Variants in LTBP1 observed in about 807,000 individuals in gnomAD.
LTBP1 encodes latent transforming growth factor beta binding protein 1, also known as latent-transforming growth factor beta-binding protein 1.
In LTBP1, 129 loss-of-function variants were observed where a neutral mutation model predicts 207.6. The observed-to-expected ratio is 0.62, with a 90% confidence interval of 0.54 to 0.72. The LOEUF (loss-of-function observed/expected upper bound fraction) is 0.72. LTBP1 is among the 30% of genes least tolerant of loss of function. The pLI is 0.00. For missense variants in LTBP1, 2,281 were observed against 2,217.2 expected (o/e 1.03, Z -0.58); for synonymous variants, 963 against 833.7 (o/e 1.16, Z -2.67).
intron 24 of LTBP1, chr2:33,333,129 A>T (rs991071438): frequency 6.6e-6 from 1 of 152,196 alleles, no homozygotes; most frequent in Non-Finnish European, 1.5e-5. Flanking sequence ...ACTATATTTC[A>T]TCTTTCTAAA....
intron 9 of LTBP1, among the ~76,000 whole-genome samples, chr2:33,242,195 C>A (rs550665281): frequency 1.3e-4 from 20 of 152,170 alleles, no homozygotes; most frequent in East Asian, 1.9e-4. Flanking sequence ...TTAATATTTG[C>A]TTAAATAGTG....
In LTBP1 at chr2:33,188,793, A is replaced by G. The variant is rs1410838953; in HGVS notation, c.1643A>G (p.Tyr548Cys). The change falls in exon 7 of 34, where the codon TAC becomes TGC. Residue 548 changes from tyrosine (Y) to cysteine (C), a missense_variant. Tyr to Cys is a radical substitution (Grantham distance 194). Transcript: ENST00000404816. ...CACCAGCAGGTCATTCCTCACGTCT[A>G]CCCCGTGGCTGCTAAGACACAGCTT... is the stretch of plus-strand genomic sequence containing the variant. Reference protein sequence around the residue: ...YSHQQVIPHVYPVAAKTQLGR... With the variant: ...YSHQQVIPHVCPVAAKTQLGR... 3 of 1,614,106 alleles carry G rather than the reference A, an allele frequency of 1.9e-6. No homozygotes were observed. Among genetic ancestry groups the G allele is most frequent in the Non-Finnish European group, 1.7e-6 (2 of 1,180,012 alleles).
At chr2:33,388,420 A>G (rs1422338748) in intron 31 of LTBP1, among the ~76,000 whole-genome samples, 1 of 152,242 alleles carries the variant, frequency 6.6e-6, no homozygotes, top group Non-Finnish European at 1.5e-5. Flanking sequence ...ACTTCAAATC[A>G]GGTTCTGCCA....
intron 2 of LTBP1, among the ~76,000 whole-genome samples, chr2:32,987,110 G>C (rs1429990027): frequency 6.6e-6 from 1 of 152,214 alleles, no homozygotes; most frequent in Non-Finnish European, 1.5e-5. Context: ...CAGAAAGTTA[G>C]ATCAGCATCA....
rs150016521 is a variant in LTBP1, at chr2:33,300,294, A to G, written c.3236-157A>G. On this transcript the variant is annotated intron_variant, in intron 20 of 33. Transcript: ENST00000404816. ...TAGATCAGTATACTGAGGTTGATAC[A>G]ACAGCATGGGTGGAGTGATAAATAC... Among the ~76,000 whole-genome samples the G allele has an allele frequency of 3.8e-4, 58 of 152,332 alleles. No homozygotes were observed. The East Asian group carries it at 9.1e-3, about 24-fold the overall frequency.
chr2:33,150,704 CTTTTTCTTTTTTTTTTTTTTTT>C (rs1572869313), intron 5 of LTBP1, among the ~76,000 whole-genome samples: 1 of 108,842 alleles, frequency 9.2e-6, no homozygotes, highest in African/African-American at 3.5e-5. Context: ...TTTCTTTTTT[CTTTTTCTTTTTTTTTTTTTTTT>C]TTTTTTTTTT....
chr2:33,264,827 A>G (rs768920889), intron 15 of LTBP1, among the ~76,000 whole-genome samples: 6 of 152,188 alleles, frequency 3.9e-5, no homozygotes, highest in Non-Finnish European at 7.3e-5. Context: ...ATATGTAGAA[A>G]GAGCTTTATT....
At chr2:32,957,895 T>C (rs1320776631) in intron 2 of LTBP1, among the ~76,000 whole-genome samples, 1 of 152,210 alleles carries the variant, frequency 6.6e-6, no homozygotes, top group Non-Finnish European at 1.5e-5. Context: ...ACACAGTCCA[T>C]TGGATACTGC....
chr2:33,367,140 CAG>C (rs1218385616), intron 31 of LTBP1, among the ~76,000 whole-genome samples: 1 of 152,034 alleles, frequency 6.6e-6, no homozygotes, highest in East Asian at 1.9e-4. Context: ...TTATATCCAA[CAG>C]AGTATTTATA....
chr2:33,137,908 A>G (rs1409426608), intron 5 of LTBP1, among the ~76,000 whole-genome samples: 1 of 152,134 alleles, frequency 6.6e-6, no homozygotes, highest in Non-Finnish European at 1.5e-5. Flanking sequence ...TATAAGAGGG[A>G]CAAGGTGAAG....
Position 32,947,830 on chromosome 2 carries a change from C to G in LTBP1, c.494+12C>G. The G allele has an allele frequency of 7.7e-7, 1 of 1,301,186 alleles. No homozygotes were observed. The highest frequency in any genetic ancestry group is 2.6e-5 in the South Asian group (1 of 38,102). 80.6% of individuals were successfully genotyped at this position (1,301,186 alleles called of 1,614,324 possible). ...CAGCAGCTGCAGGGGTAAGCCCACA[C>G]CCCCTTCCGCCCGCCCGCCCGCCTC... On this transcript the variant is annotated intron_variant, in intron 1 of 33. Coordinates refer to ENST00000404816, the MANE Select transcript of LTBP1 (RefSeq NM_206943.4).
intron 3 of LTBP1, among the ~76,000 whole-genome samples, chr2:33,021,423 C>CG (rs1346108693): frequency 1.2e-4 from 18 of 151,984 alleles, no homozygotes; most frequent in Non-Finnish European, 2.5e-4. Flanking sequence ...GAAATTTTAC[C>CG]ATAAGTACAA....
chr2:33,239,902 T>TTAAATAAATAAA (rs56284447), intron 9 of LTBP1, among the ~76,000 whole-genome samples: 2,731 of 144,214 alleles, frequency 0.019, 37 homozygotes, highest in Middle Eastern at 0.043. Context: ...AGACTCCATC[T>TTAAATAAATAAA]TAAATAAATA....
At chr2:33,204,199 A>G (rs561960253) in intron 7 of LTBP1, among the ~76,000 whole-genome samples, 3 of 151,976 alleles carry the variant, frequency 2.0e-5, no homozygotes, top group Non-Finnish European at 4.4e-5. Flanking sequence ...TTCCTTTCTC[A>G]TCCTTCCATT....
chr2:33,029,915 G>A (rs1029685306), intron 3 of LTBP1, among the ~76,000 whole-genome samples: 1 of 152,192 alleles, frequency 6.6e-6, no homozygotes, highest in Admixed American at 6.5e-5. Context: ...TCTGTTTCAT[G>A]AAGGAAATGT....
chr2:33,008,983 G>A (rs1687309729), intron 2 of LTBP1, among the ~76,000 whole-genome samples: 1 of 152,210 alleles, frequency 6.6e-6, no homozygotes, highest in Non-Finnish European at 1.5e-5. Context: ...TCAAGGGAGT[G>A]CAAGGAAATG....
chr2:33,390,415 A>G (rs147260995), intron 32 of LTBP1, among the ~76,000 whole-genome samples: 61 of 152,320 alleles, frequency 4.0e-4, no homozygotes, highest in Non-Finnish European at 8.2e-4. Flanking sequence ...TTCAAGAACG[A>G]GAACAGGAAA....
chr2:33,021,288 C>A, intron 3 of LTBP1, 82 bp downstream of exon 3: 1 of 1,302,050 alleles, frequency 7.7e-7, no homozygotes, highest in Non-Finnish European at 1.0e-6. Context: ...CTGTCCCTTT[C>A]CTGCACAATT....
At chr2:33,398,308 T>C in intron 33 of LTBP1, 56 bp from the exon 34 acceptor site, 1 of 1,536,098 alleles carries the variant, frequency 6.5e-7, no homozygotes, top group Non-Finnish European at 8.9e-7. Context: ...TCAGGTTATG[T>C]GTCCTCACAG....
Sources: allele counts gnomAD v4.1 joint callset (sites outside exome capture counted in the v4.1 genomes callset), GRCh38; gene constraint gnomAD v4.1.1; transcripts MANE v1.5; gene names NCBI Gene and HGNC (gene_info 2026-07-23, HGNC 2026-07-21).